RPS6KC1: variants seen among roughly 807,000 people sequenced by gnomAD.
RPS6KC1 encodes the protein ribosomal protein S6 kinase C1.
In RPS6KC1, 54 loss-of-function variants were observed where a neutral mutation model predicts 103.8. That is an observed-to-expected ratio of 0.52 (90% CI 0.42 to 0.65). RPS6KC1 has a LOEUF of 0.65. Among genes scored for constraint, RPS6KC1 ranks in the 30% least tolerant of loss-of-function variants. The probability of loss-of-function intolerance (pLI) is 0.00; values close to 1 mark genes in which losing one functional copy is unlikely to be tolerated. For missense variants in RPS6KC1, 1,151 were observed against 1,253.8 expected (o/e 0.92, Z 1.24); for synonymous variants, 439 against 438.7 (o/e 1.00, Z -0.01).
At chr1:213,427,710 A>C in the RPS6KC1 span, among the ~76,000 whole-genome samples, 6 of 152,222 alleles carry the variant, frequency 3.9e-5, no homozygotes, top group Non-Finnish European at 7.3e-5. Context: ...CACAGGAATG[A>C]ATGCAGTCAA....
At chr1:213,520,425 G>T in the RPS6KC1 span, among the ~76,000 whole-genome samples, 2 of 152,004 alleles carry the variant, frequency 1.3e-5, no homozygotes, top group African/African-American at 4.8e-5. Context: ...TCTCCCACCA[G>T]GTCCCTCCCA....
chr1:213,067,274 A>G (rs2078417244), intron 1 of RPS6KC1, among the ~76,000 whole-genome samples: 2 of 152,202 alleles, frequency 1.3e-5, no homozygotes, highest in Non-Finnish European at 2.9e-5. Context: ...TAAAGTAACT[A>G]AGACCTGTCT....
At chr1:213,086,050 T>A (rs945000690) in intron 3 of RPS6KC1, among the ~76,000 whole-genome samples, 2 of 152,204 alleles carry the variant, frequency 1.3e-5, no homozygotes, top group East Asian at 3.8e-4. Context: ...TTTTTGTGGA[T>A]AATGGTGTTA....
the RPS6KC1 span, among the ~76,000 whole-genome samples, chr1:213,282,513 A>G: frequency 6.6e-6 from 1 of 152,228 alleles, no homozygotes; most frequent in Non-Finnish European, 1.5e-5. Flanking sequence ...GAAAGGTGAC[A>G]TTTCTGCTGA....
At chr1:213,515,769 A>G in the RPS6KC1 span, among the ~76,000 whole-genome samples, 1 of 152,310 alleles carries the variant, frequency 6.6e-6, no homozygotes, top group African/African-American at 2.4e-5. Flanking sequence ...CTGTGAAGAA[A>G]GTCACTGGTA....
At chr1:213,201,454 A>G (rs1208503475) in intron 8 of RPS6KC1, among the ~76,000 whole-genome samples, 1 of 152,176 alleles carries the variant, frequency 6.6e-6, no homozygotes, top group Non-Finnish European at 1.5e-5. Context: ...ATTGGGCAGG[A>G]GGTAGGGATG....
At chr1:213,728,195 G>T in the RPS6KC1 span, among the ~76,000 whole-genome samples, 1 of 151,914 alleles carries the variant, frequency 6.6e-6, no homozygotes, top group African/African-American at 2.4e-5. Flanking sequence ...ATAAACCCGC[G>T]GTGAAGAAGC....
the RPS6KC1 span, among the ~76,000 whole-genome samples, chr1:213,359,870 C>T: frequency 6.6e-5 from 10 of 152,148 alleles, no homozygotes; most frequent in East Asian, 9.6e-4. Context: ...CCTTTAAGAA[C>T]GTTGAATATT....
chr1:213,487,301 T>C, the RPS6KC1 span, among the ~76,000 whole-genome samples: 1 of 151,904 alleles, frequency 6.6e-6, no homozygotes. Flanking sequence ...GGGGCTGAGG[T>C]AGGAAAATTG....
the RPS6KC1 span, among the ~76,000 whole-genome samples, chr1:213,621,977 T>C: frequency 6.6e-6 from 1 of 152,202 alleles, no homozygotes; most frequent in Non-Finnish European, 1.5e-5. Context: ...GTGTTAGCCC[T>C]GTATGCCCCT....
chr1:213,738,129 C>A, the RPS6KC1 span, among the ~76,000 whole-genome samples: 2 of 152,086 alleles, frequency 1.3e-5, no homozygotes, highest in Non-Finnish European at 2.9e-5. Flanking sequence ...CAGAACAGCC[C>A]TGAAATTTTA....
At chr1:213,168,300 T>G (rs2091172978) in intron 7 of RPS6KC1, among the ~76,000 whole-genome samples, 1 of 152,028 alleles carries the variant, frequency 6.6e-6, no homozygotes, top group South Asian at 2.1e-4. Flanking sequence ...CTTGTATAAT[T>G]GTTCTCCAGT....
the RPS6KC1 span, among the ~76,000 whole-genome samples, chr1:213,712,893 G>A: frequency 6.6e-6 from 1 of 152,110 alleles, no homozygotes; most frequent in African/African-American, 2.4e-5. Context: ...CATTGGAGAT[G>A]CAGAAATCAC....
At chr1:213,155,641 G>A (rs1334766765) in intron 6 of RPS6KC1, among the ~76,000 whole-genome samples, 2 of 152,176 alleles carry the variant, frequency 1.3e-5, no homozygotes, top group Non-Finnish European at 2.9e-5. Flanking sequence ...GGTGCAGGGG[G>A]TGACGTCAGC....
At chr1:213,363,759 C>CTTCTTTCT in the RPS6KC1 span, among the ~76,000 whole-genome samples, 426 of 56,604 alleles carry the variant, frequency 7.5e-3, 21 homozygotes, top group East Asian at 0.016. Context: ...CTCTTTCTCT[C>CTTCTTTCT]TTCTTTCTTT....
the RPS6KC1 span, among the ~76,000 whole-genome samples, chr1:213,454,742 T>A: frequency 6.6e-6 from 1 of 152,218 alleles, no homozygotes; most frequent in East Asian, 1.9e-4. Flanking sequence ...CCTGAATAAC[T>A]CAGTGTCCAA....
chr1:213,146,089 A>AT (rs200586355), intron 6 of RPS6KC1, among the ~76,000 whole-genome samples: 54,902 of 129,778 alleles, frequency 0.42, 12,484 homozygotes, highest in Non-Finnish European at 0.53. Flanking sequence ...TCATGAATTC[A>AT]TTTTTTTTTT....
the RPS6KC1 span, among the ~76,000 whole-genome samples, chr1:213,789,818 G>A: frequency 6.6e-6 from 1 of 152,192 alleles, no homozygotes; most frequent in African/African-American, 2.4e-5. Flanking sequence ...ATCCATATTC[G>A]CTTCTCACAT....
chr1:213,257,897 A>ATG (rs2094689392), intron 12 of RPS6KC1, among the ~76,000 whole-genome samples: 1 of 133,378 alleles, frequency 7.5e-6, no homozygotes, highest in Admixed American at 9.3e-5. Context: ...CTTGCTTCCT[A>ATG]AGTTCAAGTG....
Sources: gnomAD v4.1 joint callset for allele counts (sites outside exome capture counted in the v4.1 genomes callset) on GRCh38, gnomAD v4.1.1 for gene constraint, MANE v1.5 for transcripts, NCBI Gene and HGNC (gene_info 2026-07-23, HGNC 2026-07-21) for gene names.